The following ZNRF1 variants were observed in gnomAD, a reference collection of about 807,000 sequenced individuals.
ZNRF1 encodes zinc and ring finger 1.
Under a neutral mutation model 18.4 loss-of-function variants are expected in ZNRF1, and 3 were observed. The observed-to-expected ratio is 0.16, with a 90% CI of 0.07 to 0.42. The LOEUF (loss-of-function observed/expected upper bound fraction) is 0.42, where lower values mean the gene tolerates loss of function less well. ZNRF1 is among the 10% of genes least tolerant of loss of function. The pLI, the probability that ZNRF1 is intolerant of heterozygous loss-of-function variation, is 0.99. For synonymous variants in ZNRF1, 157 were observed against 144.2 expected (o/e 1.09, Z -0.64); for missense variants, 310 against 329.8 (o/e 0.94, Z 0.47).
Position 74,999,992 on chromosome 16 carries a change from C to T in ZNRF1, c.321C>T (p.Gly107=). ...YAHGNGYQET[G]GGHHRDGMLY... is the part of the protein sequence containing the mutation. ...ATGGCAATGGTTACCAGGAGACGGG[C>T]GGCGGTCACCATAGAGACGGGATGC... Residue 107 remains glycine, a synonymous_variant, in exon 1 of 5, where the codon GGC becomes GGT. Transcript: ENST00000335325. 6.3e-7 allele frequency: 1 copy of T among 1,585,812 alleles called. No individual in the cohort carries two copies. Among genetic ancestry groups the T allele is most frequent in the Non-Finnish European group, 8.6e-7 (1 of 1,167,116 alleles).
chr16:75,104,508 A>C (rs1248790735), intron 2 of ZNRF1: 1 of 297,474 alleles, frequency 3.4e-6, no homozygotes, highest in South Asian at 4.0e-5. Context: ...ACCCTTCTCC[A>C]AGCCTTTTTC....
chr16:75,103,040 C>T (rs2036271234), intron 2 of ZNRF1, among the ~76,000 whole-genome samples: 1 of 152,218 alleles, frequency 6.6e-6, no homozygotes, highest in Admixed American at 6.5e-5. Context: ...AGGTCTCTTT[C>T]CCCATACCCT....
intron 1 of ZNRF1, among the ~76,000 whole-genome samples, chr16:75,059,850 G>T (rs1466429338): frequency 6.6e-6 from 1 of 152,158 alleles, no homozygotes; most frequent in Non-Finnish European, 1.5e-5. Flanking sequence ...GACCCTTGAA[G>T]TTACATTCTT....
chr16:75,037,527 CG>C (rs1253154574), intron 1 of ZNRF1, among the ~76,000 whole-genome samples: 3 of 152,048 alleles, frequency 2.0e-5, no homozygotes, highest in Admixed American at 6.6e-5. Context: ...TTAGTATAGA[CG>C]GGGTTTCACC....
intron 1 of ZNRF1, among the ~76,000 whole-genome samples, chr16:75,031,776 A>G (rs1340433490): frequency 6.6e-6 from 1 of 151,730 alleles, no homozygotes; most frequent in Non-Finnish European, 1.5e-5. Context: ...TGTTGGAATT[A>G]CAGGCGTGAG....
intron 1 of ZNRF1, among the ~76,000 whole-genome samples, chr16:75,072,511 C>G (rs8049357): frequency 0.086 from 13,057 of 152,178 alleles, 681 homozygotes; most frequent in Admixed American, 0.13. Flanking sequence ...GCCCCTTGTA[C>G]TGTTCAGTGT....
chr16:75,099,572 C>T (rs572725207), intron 2 of ZNRF1, among the ~76,000 whole-genome samples: 13 of 152,244 alleles, frequency 8.5e-5, no homozygotes, highest in South Asian at 4.2e-4. Context: ...TGTACAGTGG[C>T]GTCAGGAAAC....
intron 2 of ZNRF1, 168 bp from the exon 3 acceptor site, chr16:75,104,616 G>A (rs539944672): frequency 1.5e-5 from 8 of 541,984 alleles, no homozygotes; most frequent in East Asian, 6.3e-5. Flanking sequence ...TTATCTCCAC[G>A]GTGAAAGTCT....
At chr16:75,036,534 T>G (rs1353189893) in intron 1 of ZNRF1, among the ~76,000 whole-genome samples, 2 of 152,166 alleles carry the variant, frequency 1.3e-5, no homozygotes, top group Non-Finnish European at 2.9e-5. Flanking sequence ...ATTATCTTGC[T>G]TATTTGTTTC....
At chr16:75,047,295 C>G (rs1411464446) in intron 1 of ZNRF1, among the ~76,000 whole-genome samples, 1 of 152,124 alleles carries the variant, frequency 6.6e-6, no homozygotes, top group Non-Finnish European at 1.5e-5. Context: ...GCTTCAGCCT[C>G]CCAAGTAGTT....
chr16:75,040,042 C>CTTT (rs57122648), intron 1 of ZNRF1, among the ~76,000 whole-genome samples: 2 of 78,888 alleles, frequency 2.5e-5, no homozygotes, highest in African/African-American at 5.5e-5. Context: ...TCTTTTCTTT[C>CTTT]TTTTTTTTTT....
At chr16:75,026,842 A>C (rs946644646) in intron 1 of ZNRF1, among the ~76,000 whole-genome samples, 2 of 152,048 alleles carry the variant, frequency 1.3e-5, no homozygotes, top group Non-Finnish European at 2.9e-5. Flanking sequence ...AGGCTGAGGC[A>C]CAAGAATCAC....
chr16:75,006,679 A>C (rs1597853080), intron 1 of ZNRF1, among the ~76,000 whole-genome samples: 1 of 152,038 alleles, frequency 6.6e-6, no homozygotes, highest in Non-Finnish European at 1.5e-5. Context: ...CGGGTGATCC[A>C]CCTGCCTTGG....
chr16:75,084,295 T>C (rs2036049775), intron 1 of ZNRF1: 1 of 152,220 alleles, frequency 6.6e-6, no homozygotes, highest in African/African-American at 2.4e-5. Context: ...ATTGATGACT[T>C]ACCACCAGGG....
chr16:75,080,643 C>G (rs769534757), intron 1 of ZNRF1, among the ~76,000 whole-genome samples: 7 of 152,210 alleles, frequency 4.6e-5, no homozygotes, highest in Non-Finnish European at 8.8e-5. Context: ...CTCCAAACAC[C>G]TCCCCCAACC....
intron 2 of ZNRF1, chr16:75,103,964 GAC>G: frequency 6.6e-6 from 1 of 152,112 alleles, no homozygotes; most frequent in Middle Eastern, 3.4e-3. Flanking sequence ...CAGTCTGGGT[GAC>G]AGAGTGAGAC....
At chr16:75,060,975 C>T (rs529050953) in intron 1 of ZNRF1, among the ~76,000 whole-genome samples, 1 of 152,194 alleles carries the variant, frequency 6.6e-6, no homozygotes, top group Admixed American at 6.5e-5. Context: ...CTAACGAATT[C>T]AGATCCTAAT....
chr16:75,011,505 C>G (rs1008371207), intron 1 of ZNRF1, among the ~76,000 whole-genome samples: 2 of 152,132 alleles, frequency 1.3e-5, no homozygotes, highest in African/African-American at 2.4e-5. Flanking sequence ...GTAGCTGGGA[C>G]TGTGGGCACA....
chr16:75,013,607 A>T (rs1400002701), intron 1 of ZNRF1, among the ~76,000 whole-genome samples: 2 of 152,136 alleles, frequency 1.3e-5, no homozygotes, highest in African/African-American at 4.8e-5. Context: ...GGCCTCCCAG[A>T]GTGCTGGGAT....
Sources: gnomAD v4.1 joint callset for allele counts (sites outside exome capture counted in the v4.1 genomes callset) on GRCh38, gnomAD v4.1.1 for gene constraint, MANE v1.5 for transcripts, NCBI Gene and HGNC (gene_info 2026-07-23, HGNC 2026-07-21) for gene names.